Variants in TMEM221 observed in about 807,000 individuals in gnomAD.
The protein encoded by TMEM221 is Putative transmembrane protein ENSP00000342162.
In TMEM221, 11 loss-of-function variants were observed where a neutral mutation model predicts 10.2. The observed-to-expected ratio is 1.08, with a 90% CI of 0.68 to 1.79. TMEM221 has a LOEUF of 1.79. Among genes scored for constraint, TMEM221 ranks in the 40% most tolerant of loss-of-function variants. The probability of loss-of-function intolerance (pLI) is 0.00; values close to 1 mark genes in which losing one functional copy is unlikely to be tolerated. For synonymous variants in TMEM221, 172 were observed against 199.8 expected, an observed-to-expected ratio of 0.86 and a Z score of 1.18; for missense variants, 382 against 417.7, an observed-to-expected ratio of 0.91 and a Z score of 0.75.
chr19:17,445,330 C>G (rs2144504936), intron 1 of TMEM221, 46 bp from the exon 2 acceptor site: 1 of 1,488,542 alleles, frequency 6.7e-7, no homozygotes, highest in East Asian at 2.5e-5. Flanking sequence ...GGAAGTGGAG[C>G]TGGTGGGGGG....
intron 2 of TMEM221, among the ~76,000 whole-genome samples, chr19:17,440,655 G>A (rs2074928403): frequency 6.6e-6 from 1 of 152,172 alleles, no homozygotes; most frequent in Non-Finnish European, 1.5e-5. Context: ...GCTTGAGCCA[G>A]GAGTTCAAGT....
At chr19:17,437,920 CTTCTTTT>C (rs1045250534) in intron 2 of TMEM221, among the ~76,000 whole-genome samples, 1 of 133,910 alleles carries the variant, frequency 7.5e-6, no homozygotes. Flanking sequence ...TGTTCTTGTT[CTTCTTTT>C]TTTTTTTTTG....
rs556396354 is a variant in TMEM221, at chr19:17,445,183, C to G, written c.406+16G>C. ...AGCCCAGGGTCCCATGCCCCACGTTCTATTCCAGCACACACCTGCTAAATA... is the reference window on the plus strand; with the variant it reads ...AGCCCAGGGTCCCATGCCCCACGTTGTATTCCAGCACACACCTGCTAAATA... On this transcript the variant is annotated intron_variant, in intron 2 of 2. Coordinates refer to ENST00000341130, the MANE Select transcript of TMEM221 (RefSeq NM_001190844.2). The G allele has an allele frequency of 9.1e-6, 14 of 1,533,964 alleles. No individual in the cohort carries two copies. The Middle Eastern group carries it at 5.0e-4, about 55-fold the overall frequency.
Position 17,436,675 on chromosome 19 carries a change from TA to T in TMEM221, c.658del (p.Tyr220IlefsTer79). 2 of 1,535,336 alleles carry T rather than the reference TA, an allele frequency of 1.3e-6. No individual in the cohort carries two copies. The highest frequency in any genetic ancestry group is 8.7e-7 in the Non-Finnish European group (1 of 1,146,368). ...PQQGIHRRTP[Y>X]STCPEPGDPF... ...GTCCCCAGGCTCTGGACAGGTTGAA[TA>T]GGGGGTCCGACGATGGATACCCTGC... On this transcript the variant is annotated frameshift_variant, in exon 3 of 3. Transcript: ENST00000341130. LOFTEE classifies it low-confidence loss of function (END_TRUNC).
Position 17,445,198 on chromosome 19 carries a change from C to T in TMEM221, c.406+1G>A. On this transcript the variant is annotated splice_donor_variant, in intron 2 of 2. Transcript: ENST00000341130. LOFTEE classifies it high-confidence loss of function. ...GCCCCACGTTCTATTCCAGCACACA[C>T]CTGCTAAATAGACGGAGATCCCACA... 1 of 1,535,372 alleles carries T rather than the reference C, an allele frequency of 6.5e-7. No homozygotes were observed. Among genetic ancestry groups the T allele is most frequent in the Non-Finnish European group, 8.7e-7 (1 of 1,146,362 alleles).
chr19:17,441,815 AG>A (rs1404724523), intron 2 of TMEM221, among the ~76,000 whole-genome samples: 1 of 147,544 alleles, frequency 6.8e-6, no homozygotes, highest in Non-Finnish European at 1.5e-5. Context: ...CACATGTGAA[AG>A]CAAGGCCAAG....
chr19:17,440,098 A>G (rs1295940512), intron 2 of TMEM221, among the ~76,000 whole-genome samples: 1 of 152,080 alleles, frequency 6.6e-6, no homozygotes, highest in Non-Finnish European at 1.5e-5. Context: ...GAGGCAGAAG[A>G]ATTGCTTGAG....
chr19:17,436,799 C>T lies in TMEM221; in HGVS notation c.535G>A (p.Ala179Thr), dbSNP rs1258988030. 7.3e-6 allele frequency: 11 copies of T among 1,510,002 alleles called. No individual in the cohort carries two copies. The South Asian group carries it at 8.7e-5, about 12-fold the overall frequency. 93.5% of individuals were successfully genotyped at this position (1,510,002 alleles called of 1,614,324 possible). The change falls in exon 3 of 3, where the codon GCC becomes ACC. Residue 179 changes from alanine to threonine, a missense_variant. Physicochemically the swap from Ala to Thr is moderately conservative, Grantham distance 58. Coordinates refer to ENST00000341130, the MANE Select transcript of TMEM221 (RefSeq NM_001190844.2). The part of the protein sequence containing the change: ...THTLLRAARA[A>T]RRGLHELSPP... ...GACAACTCATGGAGCCCACGGCGGG[C>T]AGCCCGGGCAGCCCGGAGGAGAGTG...
In TMEM221 at chr19:17,436,638, G is replaced by A. The variant is rs1599615692; in HGVS notation, c.696C>T (p.Ser232=). The A allele has an allele frequency of 2.6e-6, 4 of 1,536,068 alleles. No individual in the cohort carries two copies. The highest frequency in any genetic ancestry group is 3.5e-6 in the Non-Finnish European group (4 of 1,146,858). ...TCPEPGDPFG[S]MATATAPAAL... ...CTGCAGGTGCTGTGGCAGTGGCCAT[G>A]GACCCAAAGGGGTCCCCAGGCTCTG... is the stretch of plus-strand genomic sequence containing the variant. The change falls in exon 3 of 3, where the codon TCC becomes TCT. Residue 232 remains serine, a synonymous_variant. Transcript: ENST00000341130.
In TMEM221 at chr19:17,448,331, C is replaced by A; in HGVS notation, c.132G>T (p.Leu44=). ...GCTCCTGGCCCAGCCCCTCGGCGCG[C>A]AGCCCCCGCAGCTCGGCGCGGCCCG... ...LQAGRAELRG[L]RAEGLGQELG... The change falls in exon 1 of 3, where the codon CTG becomes CTT. Residue 44 remains leucine, a synonymous_variant. Transcript: ENST00000341130. The surrounding 1 kb of genome is among the most constrained non-coding windows in gnomAD (Gnocchi z 4.7). 1 of 1,290,790 alleles carries A rather than the reference C, an allele frequency of 7.7e-7. No homozygotes were observed. Among genetic ancestry groups the A allele is most frequent in the Non-Finnish European group, 9.8e-7 (1 of 1,020,600 alleles). The allele number at this position is 1,290,790 out of a possible 1,614,324, so 80.0% of individuals were successfully genotyped here. A position where few individuals can be genotyped will look rare whatever the true frequency, so the allele number is the denominator to read the frequency against.
intron 2 of TMEM221, among the ~76,000 whole-genome samples, chr19:17,442,674 G>C (rs2074936594): frequency 1.3e-5 from 2 of 151,702 alleles, no homozygotes; most frequent in African/African-American, 4.8e-5. Context: ...TCCACCTCAA[G>C]TGATCCACTC....
rs1004984014 is a variant in TMEM221, at chr19:17,436,912, G to A, written c.422C>T (p.Ala141Val). The change falls in exon 3 of 3, where the codon GCC becomes GTC. Residue 141 changes from alanine to valine, a missense_variant. By Grantham distance (64) the Ala-to-Val change is moderately conservative. Transcript: ENST00000341130. Reference sequence around the variant, plus strand: ...TGTCTCGATCTCGAAAAGTAGCAAGGCATAGATGGACAGTGCTAGGGAAGG... The same window carrying A: ...TGTCTCGATCTCGAAAAGTAGCAAGACATAGATGGACAGTGCTAGGGAAGG... ...SVYLAALSIY[A>V]LLLFEIETGA... 7.0e-7 allele frequency: 1 copy of A among 1,429,616 alleles called. No homozygotes were observed. Among genetic ancestry groups the A allele is most frequent in the African/African-American group, 1.4e-5 (1 of 69,912 alleles). 88.6% of individuals were successfully genotyped at this position (1,429,616 alleles called of 1,614,324 possible).
At chr19:17,445,072 A>G in intron 2 of TMEM221, 127 bp downstream of exon 2, 2 of 817,848 alleles carry the variant, frequency 2.4e-6, no homozygotes, top group Non-Finnish European at 3.9e-6. Flanking sequence ...GCACCAAAGC[A>G]AAGAAGTGTC....
intron 2 of TMEM221, among the ~76,000 whole-genome samples, chr19:17,444,362 C>T (rs890104539): frequency 1.2e-4 from 18 of 151,604 alleles, no homozygotes; most frequent in Admixed American, 1.3e-4. Context: ...GGATTACAGG[C>T]GTGAGCCACT....
chr19:17,437,404 C>G (rs2074913784), intron 2 of TMEM221, among the ~76,000 whole-genome samples: 1 of 152,162 alleles, frequency 6.6e-6, no homozygotes, highest in East Asian at 1.9e-4. Context: ...GGTGGAAACA[C>G]CCAAGAGTGT....
chr19:17,446,554 T>C (rs180754459), intron 1 of TMEM221, among the ~76,000 whole-genome samples: 3 of 152,192 alleles, frequency 2.0e-5, no homozygotes, highest in Admixed American at 2.0e-4. Context: ...TCGCCTTCCC[T>C]CCTGTCCCCT....
chr19:17,448,256 C>T lies in TMEM221; in HGVS notation c.207G>A (p.Pro69=), dbSNP rs1459896579. The T allele has an allele frequency of 7.1e-6, 9 of 1,275,790 alleles. No individual in the cohort carries two copies. Among genetic ancestry groups the T allele is most frequent in the South Asian group, 2.4e-5 (1 of 41,260 alleles). The allele number at this position is 1,275,790 out of a possible 1,614,324, so 79.0% of individuals were successfully genotyped here. Reference sequence around the variant, plus strand: ...CCAGCGCGGCCAGCGCGGCGGCCAGCGGCAGCAGCGTCCCGGCCGCGTCCT... The same window carrying T: ...CCAGCGCGGCCAGCGCGGCGGCCAGTGGCAGCAGCGTCCCGGCCGCGTCCT... ...LPEDAAGTLL[P]LAAALAALVL... is the part of the protein sequence containing the mutation. Residue 69 remains proline (P), a synonymous_variant, in exon 1 of 3, where the codon CCG becomes CCA. Coordinates refer to ENST00000341130, the MANE Select transcript of TMEM221 (RefSeq NM_001190844.2). The surrounding 1 kb of genome is among the most constrained non-coding windows in gnomAD (Gnocchi z 4.7).
intron 2 of TMEM221, among the ~76,000 whole-genome samples, chr19:17,438,595 CTTT>C (rs567618962): frequency 2.3e-5 from 3 of 127,806 alleles, no homozygotes; most frequent in Middle Eastern, 3.8e-3. Flanking sequence ...CCTGCTCTAT[CTTT>C]TTTTTTTTTT....
chr19:17,445,426 C>T (rs2074949173), intron 1 of TMEM221, 142 bp from the exon 2 acceptor site: 1 of 583,712 alleles, frequency 1.7e-6, no homozygotes, highest in Admixed American at 3.0e-5. Flanking sequence ...GAGTACCTAA[C>T]CATCATCCAT....
Sources: allele counts gnomAD v4.1 joint callset (sites outside exome capture counted in the v4.1 genomes callset), GRCh38; gene constraint gnomAD v4.1.1; non-coding constraint Gnocchi (gnomAD v3.1); transcripts MANE v1.5; gene names NCBI Gene and HGNC (gene_info 2026-07-23, HGNC 2026-07-21).